Variants in PALLD observed in about 807,000 individuals in gnomAD.
The protein encoded by PALLD is palladin, cytoskeletal associated protein.
A neutral mutation model predicts 123.5 loss-of-function variants in PALLD; 61 were observed. The observed-to-expected ratio is 0.49, with a 90% confidence interval of 0.40 to 0.61. PALLD has a LOEUF of 0.61. Ranked by LOEUF, PALLD falls within the 20% of genes least tolerant of loss-of-function variation. The pLI, the probability that PALLD is intolerant of heterozygous loss-of-function variation, is 0.00. For synonymous variants in PALLD, 465 were observed against 496.4 expected (o/e 0.94, Z 0.84); for missense variants, 1,273 against 1,377.0 (o/e 0.92, Z 1.20).
chr4:168,773,970 C>T (rs1046874847), intron 10 of PALLD, among the ~76,000 whole-genome samples: 2 of 151,854 alleles, frequency 1.3e-5, no homozygotes, highest in South Asian at 2.1e-4. Flanking sequence ...CCTTTTCCTC[C>T]GTATTGTATA....
intron 13 of PALLD, among the ~76,000 whole-genome samples, chr4:168,897,140 AT>A (rs1321503075): frequency 6.6e-6 from 1 of 151,926 alleles, no homozygotes; most frequent in Non-Finnish European, 1.5e-5. Flanking sequence ...TCTGACTTGA[AT>A]TTAATTCTGT....
At chr4:168,590,829 A>T (rs1771323062) in intron 2 of PALLD, among the ~76,000 whole-genome samples, 1 of 146,772 alleles carries the variant, frequency 6.8e-6, no homozygotes, top group Non-Finnish European at 1.5e-5. Flanking sequence ...GGTGAAGAAG[A>T]GTATGCCGTC....
intron 10 of PALLD, among the ~76,000 whole-genome samples, chr4:168,875,462 A>G (rs1751623325): frequency 6.6e-6 from 1 of 152,214 alleles, no homozygotes; most frequent in Admixed American, 6.5e-5. Flanking sequence ...TTGCACAGAA[A>G]TAAAGTCAGA....
intron 3 of PALLD, among the ~76,000 whole-genome samples, chr4:168,680,200 A>G (rs886777922): frequency 6.6e-6 from 1 of 151,960 alleles, no homozygotes; most frequent in Non-Finnish European, 1.5e-5. Context: ...TATCCAGGCC[A>G]TGTGCGGTGG....
intron 10 of PALLD, among the ~76,000 whole-genome samples, chr4:168,843,772 C>T (rs746988382): frequency 2.6e-5 from 4 of 152,096 alleles, no homozygotes; most frequent in Non-Finnish European, 5.9e-5. Context: ...TGATGTCAGC[C>T]AAGGATGGCA....
chr4:168,897,816 G>C (rs1755545362), intron 13 of PALLD, among the ~76,000 whole-genome samples: 1 of 151,328 alleles, frequency 6.6e-6, no homozygotes, highest in African/African-American at 2.4e-5. Flanking sequence ...GAATGTTGAT[G>C]GGTTGTTTTT....
At chr4:168,835,854 G>C (rs1342948392) in intron 10 of PALLD, among the ~76,000 whole-genome samples, 4 of 152,200 alleles carry the variant, frequency 2.6e-5, no homozygotes, top group East Asian at 1.9e-4. Context: ...GTGAGCCACT[G>C]TGCCTGGCTC....
In PALLD at chr4:168,850,012, T is replaced by A. The variant is rs1287579119; in HGVS notation, c.1965-40910T>A. 3.3e-5 allele frequency among the ~76,000 whole-genome samples: 5 copies of A among 152,190 alleles called. No homozygotes were observed. In the East Asian group the frequency reaches 7.7e-4, roughly 23 times the overall value. On this transcript the variant is annotated intron_variant, in intron 10 of 21. Transcript: ENST00000505667. ...TACAATGAATAAACTCCTATCCAGT[T>A]TTTCAGTGTATTTCCTTAATTTTTA...
At chr4:168,619,340 A>G (rs1774526348) in intron 2 of PALLD, among the ~76,000 whole-genome samples, 2 of 152,194 alleles carry the variant, frequency 1.3e-5, no homozygotes, top group Admixed American at 1.3e-4. Context: ...TGTGGAAGGG[A>G]GCTGGCAGGA....
intron 10 of PALLD, chr4:168,878,152 GC>G: frequency 6.7e-7 from 1 of 1,484,018 alleles, no homozygotes; most frequent in Non-Finnish European, 8.9e-7. Flanking sequence ...CCTCGCCGTC[GC>G]CCCCGCCCCC....
chr4:168,645,806 C>G (rs1777391799), intron 2 of PALLD, among the ~76,000 whole-genome samples: 1 of 152,142 alleles, frequency 6.6e-6, no homozygotes, highest in South Asian at 2.1e-4. Flanking sequence ...AACGGGGCTG[C>G]TCACAGGAGG....
chr4:168,696,464 C>T (rs368810293), intron 8 of PALLD, among the ~76,000 whole-genome samples: 4 of 152,060 alleles, frequency 2.6e-5, no homozygotes, highest in South Asian at 2.1e-4. Flanking sequence ...ATACTCAGAG[C>T]TTAATAAACT....
intron 10 of PALLD, among the ~76,000 whole-genome samples, chr4:168,881,462 T>C (rs554892704): frequency 2.7e-5 from 4 of 149,544 alleles, no homozygotes; most frequent in Admixed American, 2.7e-4. Context: ...TGAGGAACTG[T>C]ATGTATAGAA....
chr4:168,742,029 G>C (rs992885500), intron 10 of PALLD, among the ~76,000 whole-genome samples: 13 of 152,194 alleles, frequency 8.5e-5, no homozygotes, highest in Non-Finnish European at 1.9e-4. Context: ...TGACTTTCCA[G>C]TGCGGGCAAA....
intron 8 of PALLD, among the ~76,000 whole-genome samples, chr4:168,706,954 T>C (rs2150186053): frequency 6.6e-6 from 1 of 152,314 alleles, no homozygotes; most frequent in Middle Eastern, 3.4e-3. Context: ...AAGAGAAACA[T>C]TTACACTTTA....
chr4:168,603,327 T>G (rs996005077), intron 2 of PALLD, among the ~76,000 whole-genome samples: 2 of 152,220 alleles, frequency 1.3e-5, no homozygotes, highest in Non-Finnish European at 2.9e-5. Flanking sequence ...AGCAGTTTTT[T>G]GTTCATCTAA....
At chr4:168,853,919 C>T (rs1675883416) in intron 10 of PALLD, among the ~76,000 whole-genome samples, 1 of 152,146 alleles carries the variant, frequency 6.6e-6, no homozygotes, top group Admixed American at 6.5e-5. Flanking sequence ...GCTCTGACTT[C>T]TGCGGTTCTG....
chr4:168,609,661 G>A (rs1773543622), intron 2 of PALLD, among the ~76,000 whole-genome samples: 1 of 152,188 alleles, frequency 6.6e-6, no homozygotes, highest in African/African-American at 2.4e-5. Context: ...CTGTCAAGAT[G>A]TCCTTGCAGG....
chr4:168,816,495 GC>G (rs1277298125), intron 10 of PALLD, among the ~76,000 whole-genome samples: 2 of 151,112 alleles, frequency 1.3e-5, no homozygotes, highest in Non-Finnish European at 2.9e-5. Context: ...AGTGAACTCT[GC>G]CTCTATCAGC....
Sources: allele counts gnomAD v4.1 joint callset (sites outside exome capture counted in the v4.1 genomes callset), GRCh38; gene constraint gnomAD v4.1.1; transcripts MANE v1.5; gene names NCBI Gene and HGNC (gene_info 2026-07-23, HGNC 2026-07-21).